The following ROBO2 variants were observed in gnomAD, a reference collection of about 807,000 sequenced individuals.
The protein encoded by ROBO2 is roundabout homolog 2.
In ROBO2, 53 loss-of-function variants were observed where a neutral mutation model predicts 160.8. That is an observed-to-expected ratio of 0.33 (90% CI 0.26 to 0.41). The LOEUF is 0.41. Ranked by LOEUF, ROBO2 falls within the 10% of genes least tolerant of loss-of-function variation. ROBO2 has a pLI of 1.00. For synonymous variants in ROBO2, 664 were observed against 611.7 expected, an observed-to-expected ratio of 1.09 and a Z score of -1.26; for missense variants, 1,577 against 1,722.4, an observed-to-expected ratio of 0.92 and a Z score of 1.49.
intron 2 of ROBO2, among the ~76,000 whole-genome samples, chr3:76,984,120 TC>T (rs1157148273): frequency 6.6e-6 from 1 of 152,116 alleles, no homozygotes; most frequent in African/African-American, 2.4e-5. Context: ...CCCCCCGGGA[TC>T]CAGTTACCTC....
chr3:77,408,103 A>AT (rs2153518420), intron 2 of ROBO2, among the ~76,000 whole-genome samples: 1 of 152,178 alleles, frequency 6.6e-6, no homozygotes, highest in East Asian at 1.9e-4. Flanking sequence ...AAACAAAAAA[A>AT]AAAATAAACA....
At chr3:76,217,004 A>T (rs372768222) in intron 2 of ROBO2, among the ~76,000 whole-genome samples, 24 of 152,150 alleles carry the variant, frequency 1.6e-4, no homozygotes, top group Non-Finnish European at 2.8e-4. Flanking sequence ...GGATTAAGAA[A>T]CTCACTCAAA....
chr3:76,219,653 C>T (rs1476762539), intron 2 of ROBO2, among the ~76,000 whole-genome samples: 1 of 152,070 alleles, frequency 6.6e-6, no homozygotes, highest in African/African-American at 2.4e-5. Flanking sequence ...GTTAGAATGG[C>T]AATCATTAAA....
intron 2 of ROBO2, among the ~76,000 whole-genome samples, chr3:77,240,374 G>A (rs956923234): frequency 2.6e-5 from 4 of 152,134 alleles, no homozygotes; most frequent in East Asian, 1.9e-4. Context: ...CCAGTCGCCC[G>A]CTCCGAGTGG....
chr3:76,442,308 T>C (rs1023410470), intron 2 of ROBO2, among the ~76,000 whole-genome samples: 2 of 152,184 alleles, frequency 1.3e-5, no homozygotes, highest in Non-Finnish European at 2.9e-5. Context: ...TATCCTAATT[T>C]AATCCTAATT....
chr3:76,244,224 A>T (rs552896069), intron 2 of ROBO2, among the ~76,000 whole-genome samples: 20 of 152,330 alleles, frequency 1.3e-4, no homozygotes, highest in African/African-American at 4.3e-4. Flanking sequence ...GACTGCTCAG[A>T]TGTAGCAAAG....
At chr3:76,892,010 G>A (rs1382549382) in intron 2 of ROBO2, among the ~76,000 whole-genome samples, 1 of 152,070 alleles carries the variant, frequency 6.6e-6, no homozygotes, top group Non-Finnish European at 1.5e-5. Context: ...TGTAGGAGGT[G>A]ACCTGGGAGT....
chr3:77,583,182 AC>A, intron 16 of ROBO2, among the ~76,000 whole-genome samples: 6 of 151,404 alleles, frequency 4.0e-5, no homozygotes, highest in African/African-American at 1.5e-4. Context: ...AAAGGAAAAA[AC>A]ATTTTCAGTC....
At chr3:76,202,377 C>T (rs746214143) in intron 2 of ROBO2, among the ~76,000 whole-genome samples, 12 of 152,040 alleles carry the variant, frequency 7.9e-5, no homozygotes, top group Admixed American at 6.5e-4. Flanking sequence ...CTGTAGGAAA[C>T]GCGGATTGAT....
intron 2 of ROBO2, among the ~76,000 whole-genome samples, chr3:76,886,835 C>T (rs1465395120): frequency 6.6e-6 from 1 of 152,088 alleles, no homozygotes; most frequent in Non-Finnish European, 1.5e-5. Flanking sequence ...GAGTTGGTGG[C>T]CACTAGCTAT....
At chr3:77,438,951 T>C (rs2079616974) in intron 2 of ROBO2, among the ~76,000 whole-genome samples, 1 of 152,108 alleles carries the variant, frequency 6.6e-6, no homozygotes, top group South Asian at 2.1e-4. Flanking sequence ...ATTAAATCTG[T>C]AGTGTTCTAT....
chr3:77,037,040 T>C (rs1289961678), upstream of ROBO2, among the ~76,000 whole-genome samples: 2 of 152,144 alleles, frequency 1.3e-5, no homozygotes, highest in Non-Finnish European at 2.9e-5. Context: ...ATTTTTCTAG[T>C]ATAGATCTTA....
rs148029790 is a variant in ROBO2, at chr3:76,611,337, T to C, written c.110-486677T>C. ...CCTCATACATACTGAATAGCTTTAG[T>C]AGGATTTGTATTTTTTTTCTTTAAA... is the stretch of plus-strand genomic sequence containing the variant. On this transcript the variant is annotated intron_variant, in intron 2 of 26. Transcript: ENST00000487694. 7.9e-5 allele frequency among the ~76,000 whole-genome samples: 12 copies of C among 152,268 alleles called. No individual in the cohort carries two copies. The Middle Eastern group carries it at 0.014, about 173-fold the overall frequency.
chr3:77,578,567 A>G (rs1226257742), intron 15 of ROBO2, among the ~76,000 whole-genome samples: 1 of 152,110 alleles, frequency 6.6e-6, no homozygotes, highest in Non-Finnish European at 1.5e-5. Context: ...TTTACATACA[A>G]TTTTATTAAA....
At chr3:75,988,674 T>C (rs1341949721) in intron 2 of ROBO2, among the ~76,000 whole-genome samples, 1 of 152,058 alleles carries the variant, frequency 6.6e-6, no homozygotes, top group Non-Finnish European at 1.5e-5. Context: ...AATTTTTGTT[T>C]TGTTTTTGTT....
chr3:76,175,634 C>T (rs2073202447), intron 2 of ROBO2, among the ~76,000 whole-genome samples: 1 of 152,054 alleles, frequency 6.6e-6, no homozygotes, highest in African/African-American at 2.4e-5. Flanking sequence ...ACTCCCTATC[C>T]TTGCCTCTTG....
intron 2 of ROBO2, among the ~76,000 whole-genome samples, chr3:77,294,977 C>G (rs1479349169): frequency 6.6e-6 from 1 of 151,356 alleles, no homozygotes; most frequent in Admixed American, 6.6e-5. Flanking sequence ...TCACCAAAGA[C>G]ATAAAGTAAA....
chr3:77,484,925 G>A (rs1056527603), intron 4 of ROBO2, among the ~76,000 whole-genome samples: 2 of 151,856 alleles, frequency 1.3e-5, no homozygotes, highest in African/African-American at 4.8e-5. Flanking sequence ...ATTTACTTAT[G>A]CTTTCTATAC....
intron 2 of ROBO2, among the ~76,000 whole-genome samples, chr3:75,979,658 T>C (rs957987274): frequency 1.3e-5 from 2 of 151,584 alleles, no homozygotes; most frequent in Admixed American, 6.6e-5. Flanking sequence ...GGGTGCTTTA[T>C]GTGTTTCTTG....
Sources: gnomAD v4.1 joint callset for allele counts (sites outside exome capture counted in the v4.1 genomes callset) on GRCh38, gnomAD v4.1.1 for gene constraint, MANE v1.5 for transcripts, NCBI Gene and HGNC (gene_info 2026-07-23, HGNC 2026-07-21) for gene names.